The following CSMD1 variants were observed in gnomAD, a reference collection of about 807,000 sequenced individuals.
CSMD1 encodes CUB and sushi domain-containing protein 1.
CSMD1 carries 213 observed loss-of-function variants against 417.5 expected under a neutral mutation model. The observed-to-expected ratio is 0.51, with a 90% CI of 0.46 to 0.57. The LOEUF (loss-of-function observed/expected upper bound fraction) is 0.57. Among genes scored for constraint, CSMD1 ranks in the 20% least tolerant of loss-of-function variants. The probability of loss-of-function intolerance (pLI) is 0.00; values close to 1 mark genes in which losing one functional copy is unlikely to be tolerated. For missense variants in CSMD1, 6,923 were observed against 4,529.7 expected, an observed-to-expected ratio of 1.53 and a Z score of -15.17; for synonymous variants, 2,862 against 1,736.8, an observed-to-expected ratio of 1.65 and a Z score of -16.11.
intron 2 of CSMD1, among the ~76,000 whole-genome samples, chr8:4,507,958 A>G (rs1343761765): frequency 2.0e-5 from 3 of 152,134 alleles, no homozygotes; most frequent in Non-Finnish European, 4.4e-5. Flanking sequence ...GGGGACCCTC[A>G]TAGTAGAGAC....
chr8:3,901,582 G>A (rs1229733927), intron 5 of CSMD1, among the ~76,000 whole-genome samples: 2 of 152,220 alleles, frequency 1.3e-5, no homozygotes, highest in Non-Finnish European at 2.9e-5. Context: ...CATTCGGAGA[G>A]CCTTGGGGCT....
chr8:4,280,897 T>C (rs1250833548), intron 3 of CSMD1, among the ~76,000 whole-genome samples: 2 of 152,222 alleles, frequency 1.3e-5, no homozygotes, highest in East Asian at 1.9e-4. Flanking sequence ...TGGTAATTAG[T>C]TGTCATGGAA....
intron 7 of CSMD1, among the ~76,000 whole-genome samples, chr8:3,688,848 A>C (rs1188318784): frequency 6.6e-6 from 1 of 152,234 alleles, no homozygotes; most frequent in Non-Finnish European, 1.5e-5. Flanking sequence ...GATAGCAATC[A>C]ATTAAAAAGA....
chr8:4,890,918 C>G (rs565262290), intron 1 of CSMD1, among the ~76,000 whole-genome samples: 1 of 152,092 alleles, frequency 6.6e-6, no homozygotes, highest in South Asian at 2.1e-4. Context: ...GAGTGGTGCA[C>G]CTGGGGAAAC....
chr8:4,028,341 T>C (rs952823326), intron 4 of CSMD1, among the ~76,000 whole-genome samples: 1 of 152,126 alleles, frequency 6.6e-6, no homozygotes, highest in African/African-American at 2.4e-5. Context: ...AAATGCCTAC[T>C]TATGAAGATT....
At position 4,628,121 on chromosome 8, in the gene CSMD1, G is replaced by GTA. The variant is rs1296992504; in HGVS notation, c.302+9220_302+9221insTA. ...ATACCATATATATACTTCTGTGTGT[G>GTA]TGTATATATATATATATATGTACAC... On this transcript the variant is annotated intron_variant, in intron 2 of 69. Transcript: ENST00000635120. Among the ~76,000 whole-genome samples the GTA allele has an allele frequency of 4.1e-5, 5 of 123,132 alleles. No individual in the cohort carries two copies. The East Asian group carries it at 9.8e-4, about 24-fold the overall frequency. 80.8% of individuals were successfully genotyped at this position (123,132 alleles called of 152,430 possible). A position where few individuals can be genotyped will look rare whatever the true frequency, so the allele number is the denominator to read the frequency against.
At chr8:3,134,493 C>T (rs754770914) in intron 41 of CSMD1, among the ~76,000 whole-genome samples, 1 of 152,212 alleles carries the variant, frequency 6.6e-6, no homozygotes, top group Admixed American at 6.5e-5. Flanking sequence ...GCAGATCTGT[C>T]AGGTGTCAGG....
In CSMD1 at chr8:4,524,713, C is replaced by G. The variant is rs139825388; in HGVS notation, c.303-104648G>C. 4.1e-4 allele frequency among the ~76,000 whole-genome samples: 62 copies of G among 151,888 alleles called. 1 individual carries two copies. In the East Asian group the frequency reaches 0.011, roughly 27 times the overall value. On this transcript the variant is annotated intron_variant, in intron 2 of 69. Transcript: ENST00000635120. Reference sequence around the variant, plus strand: ...ACGCCCAGAGTTTTTAAAACCAAATCTGATATTTGATCCTAAAATTCTTTC... The same window carrying G: ...ACGCCCAGAGTTTTTAAAACCAAATGTGATATTTGATCCTAAAATTCTTTC...
intron 1 of CSMD1, among the ~76,000 whole-genome samples, chr8:4,833,504 G>A (rs1330923031): frequency 6.6e-6 from 1 of 152,144 alleles, no homozygotes; most frequent in Non-Finnish European, 1.5e-5. Context: ...TTTGGGTGGG[G>A]ACACAGAGCC....
At chr8:4,128,083 T>C (rs939560201) in intron 3 of CSMD1, among the ~76,000 whole-genome samples, 1 of 152,136 alleles carries the variant, frequency 6.6e-6, no homozygotes, top group Non-Finnish European at 1.5e-5. Flanking sequence ...TCAAAATGGT[T>C]CCTCAACAGT....
rs115097243 is a variant in CSMD1, at chr8:4,656,707, A to G, written c.86-19149T>C. The stretch of plus-strand genomic sequence containing the variant: ...TGCCCAGTTACCTGCCAGAGCAACA[A>G]TGGGACACTCACTCCAGAACAGTGT... On this transcript the variant is annotated intron_variant, in intron 1 of 69. Coordinates refer to ENST00000635120, the MANE Select transcript of CSMD1 (RefSeq NM_033225.6). Among the ~76,000 whole-genome samples the G allele has an allele frequency of 4.7e-3, 719 of 152,224 alleles. 11 individuals are homozygous for G. Among genetic ancestry groups the G allele is most frequent in the African/African-American group, 0.017 (688 of 41,526 alleles).
chr8:4,479,468 C>A (rs1800973336), intron 2 of CSMD1, among the ~76,000 whole-genome samples: 1 of 152,124 alleles, frequency 6.6e-6, no homozygotes, highest in Non-Finnish European at 1.5e-5. Context: ...ACCATACAAC[C>A]AAAATAACAA....
At chr8:4,011,294 G>A (rs948345823) in intron 4 of CSMD1, among the ~76,000 whole-genome samples, 23 of 152,186 alleles carry the variant, frequency 1.5e-4, no homozygotes, top group Admixed American at 9.8e-4. Flanking sequence ...TGTTTTTAGT[G>A]GAGAATTGCT....
chr8:4,992,243 G>C (rs1479584013), intron 1 of CSMD1, among the ~76,000 whole-genome samples: 3 of 152,018 alleles, frequency 2.0e-5, no homozygotes, highest in Admixed American at 1.3e-4. Context: ...CTCCGCCTCA[G>C]CCTCATCCTA....
chr8:3,059,765 C>T (rs1345290058), intron 49 of CSMD1, among the ~76,000 whole-genome samples: 3 of 152,106 alleles, frequency 2.0e-5, no homozygotes, highest in African/African-American at 2.4e-5. Context: ...GACTTGGACC[C>T]ACTGAGTAGC....
At chr8:3,894,630 G>C (rs1436060889) in intron 5 of CSMD1, among the ~76,000 whole-genome samples, 2 of 152,114 alleles carry the variant, frequency 1.3e-5, no homozygotes, top group African/African-American at 2.4e-5. Flanking sequence ...TCAGTGCTAA[G>C]GCTAAACAAG....
intron 1 of CSMD1, among the ~76,000 whole-genome samples, chr8:4,920,680 T>G (rs998126457): frequency 6.6e-6 from 1 of 151,652 alleles, no homozygotes; most frequent in African/African-American, 2.4e-5. Context: ...AAAATAGCCA[T>G]GCGTGGGTGG....
At chr8:3,984,073 G>C (rs532219309) in intron 5 of CSMD1, among the ~76,000 whole-genome samples, 1 of 147,348 alleles carries the variant, frequency 6.8e-6, no homozygotes, top group African/African-American at 2.5e-5. Flanking sequence ...CAGCTCTAGA[G>C]CACACCACAG....
chr8:3,835,124 T>C (rs61521734), intron 5 of CSMD1, among the ~76,000 whole-genome samples: 15,598 of 144,646 alleles, frequency 0.11, 2,985 homozygotes, highest in African/African-American at 0.39. Flanking sequence ...TTGGTGGGAC[T>C]GTAAACTAGT....
Sources: gnomAD v4.1 joint callset for allele counts (sites outside exome capture counted in the v4.1 genomes callset) on GRCh38, gnomAD v4.1.1 for gene constraint, MANE v1.5 for transcripts, NCBI Gene and HGNC (gene_info 2026-07-23, HGNC 2026-07-21) for gene names.